TRABD2B: variants seen among roughly 807,000 people sequenced by gnomAD.
TRABD2B encodes the protein TraB domain containing 2B.
A neutral mutation model predicts 40.1 loss-of-function variants in TRABD2B; 14 were observed. The ratio of observed to expected loss-of-function variants is 0.35; its 90% confidence interval spans 0.23 to 0.55. TRABD2B has a LOEUF of 0.55. Among genes scored for constraint, TRABD2B ranks in the 20% least tolerant of loss-of-function variants. The probability of loss-of-function intolerance (pLI) is 0.90; values close to 1 mark genes in which losing one functional copy is unlikely to be tolerated. For synonymous variants in TRABD2B, 263 were observed against 277.0 expected (o/e 0.95, Z 0.50); for missense variants, 541 against 648.6 (o/e 0.83, Z 1.80).
intron 3 of TRABD2B, among the ~76,000 whole-genome samples, chr1:47,800,487 T>A (rs961797513): frequency 6.6e-6 from 1 of 152,074 alleles, no homozygotes; most frequent in African/African-American, 2.4e-5. Context: ...CCAAGTGGTG[T>A]GCAGGAGGGG....
At chr1:47,980,072 A>G (rs1645818907) in intron 2 of TRABD2B, among the ~76,000 whole-genome samples, 1 of 152,148 alleles carries the variant, frequency 6.6e-6, no homozygotes, top group Non-Finnish European at 1.5e-5. Context: ...ACTTCTTAAT[A>G]TGGTCCTAAG....
chr1:47,968,399 C>T (rs1645633833), intron 2 of TRABD2B, among the ~76,000 whole-genome samples: 1 of 152,182 alleles, frequency 6.6e-6, no homozygotes, highest in Non-Finnish European at 1.5e-5. Flanking sequence ...GCCAGAAGGC[C>T]AGGACCTTGG....
At chr1:47,905,597 C>A (rs773681058) in intron 2 of TRABD2B, among the ~76,000 whole-genome samples, 10 of 152,176 alleles carry the variant, frequency 6.6e-5, no homozygotes, top group Non-Finnish European at 1.3e-4. Flanking sequence ...CATTTCCCAT[C>A]CTTTGCACCT....
intron 2 of TRABD2B, among the ~76,000 whole-genome samples, chr1:47,821,881 GA>G (rs955457181): frequency 2.6e-5 from 4 of 152,012 alleles, no homozygotes; most frequent in Admixed American, 2.6e-4. Context: ...GACATTTGAG[GA>G]AAAAAATTAT....
intron 2 of TRABD2B, among the ~76,000 whole-genome samples, chr1:47,852,302 T>C (rs1645560779): frequency 1.3e-5 from 2 of 152,156 alleles, no homozygotes; most frequent in Non-Finnish European, 2.9e-5. Context: ...GCCACACACA[T>C]AAGGATTCTA....
intron 2 of TRABD2B, among the ~76,000 whole-genome samples, chr1:47,828,371 C>CTAT (rs1645204494): frequency 6.6e-6 from 1 of 152,142 alleles, no homozygotes; most frequent in African/African-American, 2.4e-5. Flanking sequence ...GTGAGGGGGA[C>CTAT]AGTATAGGCA....
intron 4 of TRABD2B, among the ~76,000 whole-genome samples, chr1:47,788,002 T>C (rs1411797262): frequency 6.6e-6 from 1 of 152,134 alleles, no homozygotes. Context: ...TCAGGATGAC[T>C]TCCTGGTCAT....
intron 2 of TRABD2B, among the ~76,000 whole-genome samples, chr1:47,961,647 T>G (rs942404305): frequency 3.3e-5 from 5 of 151,978 alleles, no homozygotes; most frequent in African/African-American, 1.2e-4. Context: ...GAAATGCAAA[T>G]CAAAACCACA....
At chr1:47,820,473 G>A (rs574033697) in intron 2 of TRABD2B, among the ~76,000 whole-genome samples, 1 of 152,326 alleles carries the variant, frequency 6.6e-6, no homozygotes, top group Non-Finnish European at 1.5e-5. Context: ...CGTGGGATAT[G>A]CCTGGGCCTG....
intron 4 of TRABD2B, among the ~76,000 whole-genome samples, chr1:47,788,068 C>T (rs773371431): frequency 1.3e-5 from 2 of 152,108 alleles, no homozygotes; most frequent in Non-Finnish European, 2.9e-5. Flanking sequence ...CTAAGACTCT[C>T]TGACATCCCA....
intron 2 of TRABD2B, among the ~76,000 whole-genome samples, chr1:47,854,549 T>C (rs779016920): frequency 2.6e-5 from 4 of 151,566 alleles, no homozygotes; most frequent in Admixed American, 2.6e-4. Context: ...TCCTCTGTGA[T>C]TTGATGGTGA....
At chr1:47,817,071 A>C (rs1645042740) in intron 2 of TRABD2B, among the ~76,000 whole-genome samples, 1 of 152,088 alleles carries the variant, frequency 6.6e-6, no homozygotes, top group Non-Finnish European at 1.5e-5. Context: ...CCACTCACTA[A>C]AGGGAAAAAG....
At chr1:47,820,532 G>T (rs1228876657) in intron 2 of TRABD2B, among the ~76,000 whole-genome samples, 1 of 152,208 alleles carries the variant, frequency 6.6e-6, no homozygotes, top group African/African-American at 2.4e-5. Flanking sequence ...CTAAAAGGAA[G>T]AAGTGGAAGC....
chr1:47,959,658 C>A lies in TRABD2B; in HGVS notation c.666+34376G>T, dbSNP rs561822632. Among the ~76,000 whole-genome samples the A allele has an allele frequency of 7.9e-5, 12 of 152,232 alleles. No individual in the cohort carries two copies. The South Asian group carries it at 2.1e-3, about 26-fold the overall frequency. ...ACACATACACCCTCCCAAGACTAAA[C>A]CAGGAAGAAGTTGAATCCCTGAATA... On this transcript the variant is annotated intron_variant, in intron 2 of 6. Transcript: ENST00000606738.
intron 2 of TRABD2B, among the ~76,000 whole-genome samples, chr1:47,864,454 TA>T (rs754660067): frequency 2.0e-5 from 3 of 151,674 alleles, no homozygotes; most frequent in Non-Finnish European, 2.9e-5. Flanking sequence ...GTTGTAAACC[TA>T]AAACTGCTCT....
At chr1:47,863,986 G>T (rs943249632) in intron 2 of TRABD2B, among the ~76,000 whole-genome samples, 2 of 152,178 alleles carry the variant, frequency 1.3e-5, no homozygotes, top group Non-Finnish European at 2.9e-5. Context: ...CTAAGTGAAA[G>T]AAGCCAATCT....
At chr1:47,826,685 T>A (rs11211614) in intron 2 of TRABD2B, among the ~76,000 whole-genome samples, 47,305 of 151,934 alleles carry the variant, frequency 0.31, 7,696 homozygotes, top group Non-Finnish European at 0.37. Context: ...GCAATCCTCC[T>A]GCTTCAGCCT....
intron 4 of TRABD2B, among the ~76,000 whole-genome samples, chr1:47,786,604 A>T (rs1426242315): frequency 6.6e-6 from 1 of 152,186 alleles, no homozygotes; most frequent in Non-Finnish European, 1.5e-5. Context: ...GGAAATTCTG[A>T]AACACTTCAG....
At chr1:47,780,691 A>C (rs537541937) in intron 4 of TRABD2B, among the ~76,000 whole-genome samples, 1 of 152,302 alleles carries the variant, frequency 6.6e-6, no homozygotes, top group Non-Finnish European at 1.5e-5. Flanking sequence ...AGTGGGTGGC[A>C]CAGTGGGGGA....
Sources: allele counts gnomAD v4.1 joint callset (sites outside exome capture counted in the v4.1 genomes callset), GRCh38; gene constraint gnomAD v4.1.1; transcripts MANE v1.5; gene names NCBI Gene and HGNC (gene_info 2026-07-23, HGNC 2026-07-21).